KCNC2: variants seen among roughly 807,000 people sequenced by gnomAD.
The protein encoded by KCNC2 is potassium voltage-gated channel subfamily C member 2.
In KCNC2, 21 loss-of-function variants were observed where a neutral mutation model predicts 44.5. That is an observed-to-expected ratio of 0.47 (90% CI 0.33 to 0.68). The LOEUF (loss-of-function observed/expected upper bound fraction) is 0.68. KCNC2 is among the 30% of genes least tolerant of loss of function. KCNC2 has a pLI of 0.01. For missense variants in KCNC2, 589 were observed against 826.2 expected (o/e 0.71, Z 3.52); for synonymous variants, 391 against 339.1 (o/e 1.15, Z -1.68).
At chr12:75,068,261 G>T (rs1473135394) in intron 2 of KCNC2, among the ~76,000 whole-genome samples, 1 of 152,126 alleles carries the variant, frequency 6.6e-6, no homozygotes, top group Non-Finnish European at 1.5e-5. Context: ...GGTATCCAAG[G>T]GCTATTTTAA....
intron 2 of KCNC2, among the ~76,000 whole-genome samples, chr12:75,117,808 A>G (rs1887779457): frequency 6.6e-6 from 1 of 152,170 alleles, no homozygotes; most frequent in Admixed American, 6.6e-5. Context: ...TTTTTAAACG[A>G]AGATCATATG....
chr12:75,176,451 C>T (rs1409255196), intron 2 of KCNC2, among the ~76,000 whole-genome samples: 3 of 151,922 alleles, frequency 2.0e-5, no homozygotes, highest in Non-Finnish European at 4.4e-5. Context: ...CAATGGACTA[C>T]AAGCCCTGTA....
intron 2 of KCNC2, among the ~76,000 whole-genome samples, chr12:75,122,253 A>C (rs1888097762): frequency 6.6e-6 from 1 of 152,232 alleles, no homozygotes; most frequent in African/African-American, 2.4e-5. Context: ...CAGGCATGAC[A>C]GGAGGTACCC....
At chr12:75,179,607 T>TTATAAAAAC (rs1892419720) in intron 2 of KCNC2, among the ~76,000 whole-genome samples, 1 of 139,930 alleles carries the variant, frequency 7.1e-6, no homozygotes, top group Non-Finnish European at 1.6e-5. Context: ...AAAATGTGTT[T>TTATAAAAAC]TATAAAAGAT....
At chr12:75,102,824 C>T (rs954728644) in intron 2 of KCNC2, among the ~76,000 whole-genome samples, 9 of 151,850 alleles carry the variant, frequency 5.9e-5, no homozygotes, top group East Asian at 1.9e-4. Context: ...CCCACCCACA[C>T]GTTTATTAAT....
chr12:75,043,726 G>T, intron 4 of KCNC2: 6 of 1,463,192 alleles, frequency 4.1e-6, no homozygotes. Context: ...TAATCTTCCA[G>T]CTTTATAGGG....
chr12:75,071,937 C>CA (rs751849483), intron 2 of KCNC2, among the ~76,000 whole-genome samples: 24,124 of 66,470 alleles, frequency 0.36, 7,862 homozygotes, highest in Non-Finnish European at 0.5. Context: ...GACTCCTTCT[C>CA]AAAAAAAAAA....
At chr12:75,184,983 ATGAATGCAGGCTCTATC>A (rs1361503650) in intron 2 of KCNC2, among the ~76,000 whole-genome samples, 1 of 152,244 alleles carries the variant, frequency 6.6e-6, no homozygotes, top group East Asian at 1.9e-4. Context: ...TTGTGGACAC[ATGAATGCAGGCTCTATC>A]TGAAGGGAGC....
In KCNC2 at chr12:75,051,234, A is replaced by T. The variant is rs777288838; in HGVS notation, c.771T>A (p.Val257=). 1 of 1,610,842 alleles carries T rather than the reference A, an allele frequency of 6.2e-7. No individual in the cohort carries two copies. Among genetic ancestry groups the T allele is most frequent in the African/African-American group, 1.3e-5 (1 of 74,850 alleles). ...TGATGACTGGTTCTGTCTTGTTTTT[A>T]ACAATATTGAAAGCTTCATGTGTTT... ...CLETHEAFNI[V]KNKTEPVING... Residue 257 remains valine (V), a synonymous_variant, in exon 3 of 5, where the codon GTT becomes GTA. Transcript: ENST00000549446.
chr12:75,199,150 A>T (rs1433075963), intron 2 of KCNC2, among the ~76,000 whole-genome samples: 1 of 151,854 alleles, frequency 6.6e-6, no homozygotes, highest in Non-Finnish European at 1.5e-5. Flanking sequence ...TACTGCTAAG[A>T]CTAAATTACA....
intron 2 of KCNC2, among the ~76,000 whole-genome samples, chr12:75,055,549 G>C (rs556482768): frequency 2.0e-5 from 3 of 152,062 alleles, no homozygotes; most frequent in Non-Finnish European, 4.4e-5. Context: ...TAATTGAAAT[G>C]TTAGAAAGCT....
intron 2 of KCNC2, among the ~76,000 whole-genome samples, chr12:75,205,137 C>T (rs138339168): frequency 9.9e-5 from 15 of 152,228 alleles, no homozygotes; most frequent in African/African-American, 2.9e-4. Context: ...ACAATCCAGT[C>T]CAGTTATAAT....
chr12:75,148,002 A>G (rs1034884853), intron 2 of KCNC2, among the ~76,000 whole-genome samples: 1 of 152,160 alleles, frequency 6.6e-6, no homozygotes, highest in Non-Finnish European at 1.5e-5. Flanking sequence ...GCAAAATTTT[A>G]TTGTGTAAAA....
chr12:75,169,789 G>A (rs1405562872), intron 2 of KCNC2, among the ~76,000 whole-genome samples: 2 of 151,520 alleles, frequency 1.3e-5, no homozygotes, highest in Non-Finnish European at 3.0e-5. Context: ...TGAATTATTT[G>A]CAAACAAGCA....
Position 75,174,173 on chromosome 12 carries a change from G to GGTGTATTTTTTATACC in KCNC2, c.687+33108_687+33123dup, listed in dbSNP as rs1179428258. On this transcript the variant is annotated intron_variant, in intron 2 of 4. Transcript: ENST00000549446. ...AACTGGCTCCTTAATTTACAATCACGGTGTATTTTTTATACCATGTATTTT... is the reference window on the plus strand; with the variant it reads ...AACTGGCTCCTTAATTTACAATCACGGTGTATTTTTTATACCGTGTATTTTTTATACCATGTATTTT... Among the ~76,000 whole-genome samples, 9 of 148,538 alleles carry GGTGTATTTTTTATACC rather than the reference G, an allele frequency of 6.1e-5. No homozygotes were observed. The East Asian group carries it at 1.6e-3, about 26-fold the overall frequency.
rs76651985 is a variant in KCNC2 at position 75,070,125 on chromosome 12, G to T, written c.688-18808C>A. On this transcript the variant is annotated intron_variant, in intron 2 of 4. Transcript: ENST00000549446. The stretch of plus-strand genomic sequence containing the variant: ...TGAATAAAAGAATATTGATAAATGA[G>T]AATATTTTTCTGCCTAGTTTGTGTT... Among the ~76,000 whole-genome samples, 5 of 152,120 alleles carry T rather than the reference G, an allele frequency of 3.3e-5. No individual in the cohort carries two copies. In the East Asian group the frequency reaches 5.8e-4, roughly 18 times the overall value.
intron 2 of KCNC2, among the ~76,000 whole-genome samples, chr12:75,160,880 C>G (rs1891078738): frequency 6.6e-6 from 1 of 151,734 alleles, no homozygotes; most frequent in Non-Finnish European, 1.5e-5. Flanking sequence ...ACATAATTCT[C>G]AAGCATATTA....
intron 2 of KCNC2, among the ~76,000 whole-genome samples, chr12:75,053,961 G>A (rs12319828): frequency 0.032 from 4,890 of 151,582 alleles, 239 homozygotes; most frequent in African/African-American, 0.11. Context: ...GGTGACTCTC[G>A]CCTGTAATCC....
intron 2 of KCNC2, among the ~76,000 whole-genome samples, chr12:75,104,895 T>A (rs1886655976): frequency 6.6e-6 from 1 of 152,140 alleles, no homozygotes; most frequent in South Asian, 2.1e-4. Flanking sequence ...ATAAAAACAT[T>A]TTCTTAATAT....
Sources: gnomAD v4.1 joint callset for allele counts (sites outside exome capture counted in the v4.1 genomes callset) on GRCh38, gnomAD v4.1.1 for gene constraint, MANE v1.5 for transcripts, NCBI Gene and HGNC (gene_info 2026-07-23, HGNC 2026-07-21) for gene names.